PTK2: variants seen among roughly 807,000 people sequenced by gnomAD.
PTK2 encodes the protein protein tyrosine kinase 2, also known as focal adhesion kinase 1.
PTK2 carries 45 observed loss-of-function variants against 150.1 expected under a neutral mutation model. The ratio of observed to expected loss-of-function variants is 0.30; its 90% CI spans 0.24 to 0.38. The LOEUF (loss-of-function observed/expected upper bound fraction) is 0.38. Ranked by LOEUF, PTK2 falls within the 10% of genes least tolerant of loss-of-function variation. The probability of loss-of-function intolerance (pLI) is 1.00; values close to 1 mark genes in which losing one functional copy is unlikely to be tolerated. For synonymous variants in PTK2, 432 were observed against 449.2 expected, an observed-to-expected ratio of 0.96 and a Z score of 0.48; for missense variants, 919 against 1,307.3, an observed-to-expected ratio of 0.70 and a Z score of 4.58.
intron 2 of PTK2, 38 bp downstream of exon 2, chr8:140,925,623 T>C (rs1312676642): frequency 2.0e-6 from 2 of 981,040 alleles, no homozygotes; most frequent in Non-Finnish European, 1.2e-6. Context: ...ACTGGCATTA[T>C]TCACTTTCTT....
At chr8:140,968,982 G>A (rs954777174) in intron 1 of PTK2, among the ~76,000 whole-genome samples, 6 of 152,184 alleles carry the variant, frequency 3.9e-5, no homozygotes, top group Non-Finnish European at 1.5e-5. Flanking sequence ...AGTAACAGAA[G>A]CAGTTTGCGA....
At chr8:140,962,948 G>T (rs2100183891) in intron 1 of PTK2, among the ~76,000 whole-genome samples, 1 of 151,148 alleles carries the variant, frequency 6.6e-6, no homozygotes. Flanking sequence ...CCTATTCTTT[G>T]TGTTAAGTAC....
chr8:140,744,914 T>C, intron 18 of PTK2, 147 bp from the exon 22 acceptor site: 2 of 432,482 alleles, frequency 4.6e-6, no homozygotes, highest in Non-Finnish European at 8.3e-6. Flanking sequence ...TCTCTTCTAA[T>C]AAAGCATAAT....
intron 14 of PTK2, among the ~76,000 whole-genome samples, chr8:140,777,802 C>A (rs745493578): frequency 7.2e-5 from 11 of 152,202 alleles, no homozygotes; most frequent in Non-Finnish European, 1.5e-4. Flanking sequence ...GAAAACTCTT[C>A]CCTCAGATCA....
At chr8:140,988,234 A>G (rs952107417) in intron 1 of PTK2, among the ~76,000 whole-genome samples, 4 of 152,192 alleles carry the variant, frequency 2.6e-5, no homozygotes, top group Non-Finnish European at 5.9e-5. Context: ...CCCAAACAAC[A>G]TCTGGAAGAA....
chr8:140,702,153 A>AG (rs1394388400), intron 25 of PTK2, among the ~76,000 whole-genome samples: 74 of 138,512 alleles, frequency 5.3e-4, no homozygotes, highest in South Asian at 9.4e-4. Flanking sequence ...AAAAAAAAAA[A>AG]GTCATTAAAA....
chr8:140,780,826 T>C (rs1207083259), intron 14 of PTK2, among the ~76,000 whole-genome samples: 1 of 152,178 alleles, frequency 6.6e-6, no homozygotes, highest in Non-Finnish European at 1.5e-5. Context: ...AGGGATTATG[T>C]GTGTATGTAA....
chr8:140,733,877 GCTCA>G (rs2154384000), intron 22 of PTK2, among the ~76,000 whole-genome samples: 1 of 152,268 alleles, frequency 6.6e-6, no homozygotes, highest in Non-Finnish European at 1.5e-5. Context: ...CCAATGTGGG[GCTCA>G]CTGTATTGTA....
intron 3 of PTK2, among the ~76,000 whole-genome samples, chr8:140,888,736 T>C (rs959155669): frequency 1.3e-5 from 2 of 152,006 alleles, no homozygotes; most frequent in African/African-American, 4.8e-5. Context: ...AAATCTTTCC[T>C]AGGTGAGTCT....
Position 140,814,642 on chromosome 8 carries a change from T to C in PTK2, c.867+3635A>G, listed in dbSNP as rs564620525. On this transcript the variant is annotated intron_variant, in intron 10 of 31. Transcript: ENST00000522684. ...TTAAAACACCTCAATGAACTAGGCA[T>C]TGAAGGAATGTACCTCACAATAATA... Among the ~76,000 whole-genome samples the C allele has an allele frequency of 5.9e-5, 9 of 152,310 alleles. No individual in the cohort carries two copies. The South Asian group carries it at 6.2e-4, about 11-fold the overall frequency.
chr8:140,957,817 T>A (rs973632725), intron 1 of PTK2, among the ~76,000 whole-genome samples: 2 of 152,214 alleles, frequency 1.3e-5, no homozygotes, highest in African/African-American at 2.4e-5. Flanking sequence ...CTATACTATA[T>A]AGCCCAGGCA....
chr8:140,688,295 G>A (rs895236233), intron 26 of PTK2, among the ~76,000 whole-genome samples: 6 of 152,096 alleles, frequency 3.9e-5, no homozygotes, highest in African/African-American at 7.2e-5. Flanking sequence ...TGGTTGGTGC[G>A]CACTCAACAC....
chr8:140,681,543 G>A (rs906342724), intron 27 of PTK2, among the ~76,000 whole-genome samples: 7 of 150,544 alleles, frequency 4.6e-5, no homozygotes, highest in African/African-American at 1.5e-4. Context: ...AGGCGGAGGC[G>A]GGCAGGGGGG....
intron 2 of PTK2, chr8:140,892,721 A>G (rs2100154644): frequency 2.8e-6 from 1 of 360,166 alleles, no homozygotes; most frequent in South Asian, 2.2e-5. Context: ...AAAGAAAAAC[A>G]TATGTACCAT....
At chr8:140,927,947 AAAAAAAAAAAG>A (rs1441930695) in intron 1 of PTK2, among the ~76,000 whole-genome samples, 65 of 107,564 alleles carry the variant, frequency 6.0e-4, no homozygotes, top group Non-Finnish European at 8.4e-4. Flanking sequence ...AAAGAAAAAA[AAAAAAAAAAAG>A]AAAAAAAAAA....
At chr8:140,944,195 T>C (rs1276100004) in intron 1 of PTK2, among the ~76,000 whole-genome samples, 1 of 152,202 alleles carries the variant, frequency 6.6e-6, no homozygotes, top group East Asian at 1.9e-4. Context: ...TTCCCTGTTT[T>C]GACGAGTATT....
intron 5 of PTK2, among the ~76,000 whole-genome samples, chr8:140,851,831 C>T (rs1441691368): frequency 1.4e-5 from 2 of 144,294 alleles, no homozygotes; most frequent in African/African-American, 2.6e-5. Context: ...TGCTTTCCAG[C>T]GTGGGTGACA....
chr8:140,978,091 CT>C (rs1422522905), intron 1 of PTK2, among the ~76,000 whole-genome samples: 1 of 152,142 alleles, frequency 6.6e-6, no homozygotes, highest in Non-Finnish European at 1.5e-5. Flanking sequence ...TTCCTTACAC[CT>C]TATACAAAAA....
At chr8:140,789,779 C>T (rs1162340422) in intron 13 of PTK2, among the ~76,000 whole-genome samples, 4 of 151,598 alleles carry the variant, frequency 2.6e-5, no homozygotes, top group East Asian at 3.9e-4. Context: ...TAAAACAATG[C>T]AATACAATTT....
Sources: allele counts gnomAD v4.1 joint callset (sites outside exome capture counted in the v4.1 genomes callset), GRCh38; gene constraint gnomAD v4.1.1; transcripts MANE v1.5; gene names NCBI Gene and HGNC (gene_info 2026-07-23, HGNC 2026-07-21).